NIPBL: variants seen among roughly 807,000 people sequenced by gnomAD.
The protein encoded by NIPBL is nipped-B-like protein.
Under a neutral mutation model 321.8 loss-of-function variants are expected in NIPBL, and 19 were observed. The ratio of observed to expected loss-of-function variants is 0.06; its 90% CI spans 0.04 to 0.09. The LOEUF is 0.09. NIPBL is among the 10% of genes least tolerant of loss of function. The pLI is 1.00. For missense variants in NIPBL, 2,210 were observed against 3,327.0 expected (o/e 0.66, Z 8.26); for synonymous variants, 1,106 against 1,114.1 (o/e 0.99, Z 0.14).
At chr5:36,930,426 T>C (rs190778740) in intron 1 of NIPBL, among the ~76,000 whole-genome samples, 1 of 152,082 alleles carries the variant, frequency 6.6e-6, no homozygotes, top group African/African-American at 2.4e-5. Context: ...GCTGAGCTTT[T>C]TTTTGATTCT....
intron 10 of NIPBL, among the ~76,000 whole-genome samples, chr5:36,989,994 C>T (rs1191956496): frequency 1.3e-5 from 2 of 150,330 alleles, no homozygotes; most frequent in African/African-American, 4.9e-5. Flanking sequence ...TGCTTTATGT[C>T]TAAGGAAACC....
chr5:37,065,170 A>G lies in NIPBL; in HGVS notation c.*278A>G, dbSNP rs1455117781. The G allele has an allele frequency of 2.2e-6, 1 of 446,778 alleles. No individual in the cohort carries two copies. The highest frequency in any genetic ancestry group is 4.0e-6 in the Non-Finnish European group (1 of 247,502). The allele number at this position is 446,778 out of a possible 1,614,324, so 27.7% of individuals were successfully genotyped here. On this transcript the variant is annotated 3_prime_UTR_variant, in exon 47 of 47. Transcript: ENST00000282516. ...AAAAAAAACTTTCTGTTTAAAAAAAATAAACAAGTGAATGTTGGAAATTAG... is the reference window on the plus strand; with the variant it reads ...AAAAAAAACTTTCTGTTTAAAAAAAGTAAACAAGTGAATGTTGGAAATTAG...
At chr5:36,912,501 ATTT>A (rs773223714) in intron 1 of NIPBL, among the ~76,000 whole-genome samples, 7 of 136,848 alleles carry the variant, frequency 5.1e-5, no homozygotes, top group South Asian at 2.3e-4. Context: ...TGTATTACTG[ATTT>A]TTTTTTTTTT....
chr5:36,947,309 C>T (rs996854138), intron 1 of NIPBL, among the ~76,000 whole-genome samples: 1 of 152,164 alleles, frequency 6.6e-6, no homozygotes, highest in East Asian at 1.9e-4. Flanking sequence ...ATTACACTGG[C>T]ATTTTAATCT....
intron 9 of NIPBL, among the ~76,000 whole-genome samples, chr5:36,977,345 TATG>T (rs1743591813): frequency 6.6e-6 from 1 of 152,018 alleles, no homozygotes; most frequent in Admixed American, 6.6e-5. Context: ...GATTTTTATA[TATG>T]ATGTGTTCAG....
intron 1 of NIPBL, among the ~76,000 whole-genome samples, chr5:36,936,973 C>T (rs974281851): frequency 6.6e-6 from 1 of 151,882 alleles, no homozygotes; most frequent in African/African-American, 2.4e-5. Flanking sequence ...TCAGTTTGTT[C>T]ACATATAGCC....
At chr5:36,892,758 A>T (rs1746439038) in intron 1 of NIPBL, among the ~76,000 whole-genome samples, 1 of 148,412 alleles carries the variant, frequency 6.7e-6, no homozygotes, top group Non-Finnish European at 1.5e-5. Context: ...TGGACACAGG[A>T]GGGGGAACAT....
intron 1 of NIPBL, among the ~76,000 whole-genome samples, chr5:36,900,791 A>AT (rs1747144497): frequency 6.6e-6 from 1 of 151,714 alleles, no homozygotes; most frequent in Non-Finnish European, 1.5e-5. Context: ...ACATTGCATG[A>AT]TTTTTTTTCC....
intron 1 of NIPBL, among the ~76,000 whole-genome samples, chr5:36,890,885 A>G (rs539194269): frequency 1.3e-5 from 2 of 152,322 alleles, no homozygotes; most frequent in African/African-American, 4.8e-5. Flanking sequence ...CATGGTCATG[A>G]TCTCATATTC....
chr5:36,992,752 T>G (rs1745685720), intron 10 of NIPBL, among the ~76,000 whole-genome samples: 1 of 149,140 alleles, frequency 6.7e-6, no homozygotes, highest in African/African-American at 2.5e-5. Context: ...ATTTATTTAT[T>G]TATTTATTGA....
At chr5:37,061,202 T>C (rs776678468) in intron 45 of NIPBL, among the ~76,000 whole-genome samples, 184 bp downstream of exon 45, 2 of 152,218 alleles carry the variant, frequency 1.3e-5, no homozygotes, top group Admixed American at 6.5e-5. Flanking sequence ...ATTGCACCCA[T>C]GGCATCCTAA....
intron 1 of NIPBL, among the ~76,000 whole-genome samples, chr5:36,936,393 C>T (rs926432821): frequency 1.3e-5 from 2 of 152,064 alleles, no homozygotes; most frequent in Non-Finnish European, 2.9e-5. Context: ...TGTTGTGTTA[C>T]AGTTGGCTAC....
chr5:37,011,807 A>G (rs1748157529), intron 21 of NIPBL, among the ~76,000 whole-genome samples: 1 of 152,148 alleles, frequency 6.6e-6, no homozygotes, highest in African/African-American at 2.4e-5. Flanking sequence ...CTTTTAATAC[A>G]TACAACTCAT....
intron 29 of NIPBL, among the ~76,000 whole-genome samples, chr5:37,022,596 T>G (rs1403362723): frequency 1.3e-5 from 2 of 152,210 alleles, no homozygotes; most frequent in Non-Finnish European, 2.9e-5. Flanking sequence ...TTGGTAATAA[T>G]TGGATTCCTT....
In NIPBL at chr5:37,061,057, G is replaced by A. The variant is rs113168205; in HGVS notation, c.7860+39G>A. On this transcript the variant is annotated intron_variant, in intron 45 of 46. Coordinates refer to ENST00000282516, the MANE Select transcript of NIPBL (RefSeq NM_133433.4). ...CCAAAAGTTTTTACTTCTCATAAGGGCTTTTTTGACAAGTAAATGTGGGGG... is the reference window on the plus strand; with the variant it reads ...CCAAAAGTTTTTACTTCTCATAAGGACTTTTTTGACAAGTAAATGTGGGGG... The A allele has an allele frequency of 6.5e-3, 10,120 of 1,547,494 alleles. 175 individuals carry two copies. Among genetic ancestry groups the A allele is most frequent in the African/African-American group, 0.064 (4,719 of 73,686 alleles).
At chr5:37,017,653 T>C (rs1345129535) in intron 24 of NIPBL, among the ~76,000 whole-genome samples, 1 of 151,716 alleles carries the variant, frequency 6.6e-6, no homozygotes, top group Non-Finnish European at 1.5e-5. Context: ...TAAAGTTACT[T>C]GAGAAAACTG....
chr5:36,881,127 A>G (rs1472692427), intron 1 of NIPBL, among the ~76,000 whole-genome samples: 2 of 152,000 alleles, frequency 1.3e-5, no homozygotes, highest in Non-Finnish European at 2.9e-5. Context: ...TTTTCCTGGT[A>G]TGAAAATAGA....
chr5:37,020,411 T>G lies in NIPBL; in HGVS notation c.5011-48T>G, dbSNP rs553604482. ...CACTCTAACTTTATTAACTTGGAAA[T>G]CTTGTTGCTAATTTCATCAAGCTCA... On this transcript the variant is annotated intron_variant, in intron 25 of 46. Coordinates refer to ENST00000282516, the MANE Select transcript of NIPBL (RefSeq NM_133433.4). The G allele has an allele frequency of 2.2e-5, 28 of 1,289,118 alleles. No homozygotes were observed. In the South Asian group the frequency reaches 3.1e-4, roughly 14 times the overall value. 79.9% of individuals were successfully genotyped at this position (1,289,118 alleles called of 1,614,324 possible). A position where few individuals can be genotyped will look rare whatever the true frequency, so the allele number is the denominator to read the frequency against.
At chr5:37,061,173 C>CTA (rs1372492305) in intron 45 of NIPBL, among the ~76,000 whole-genome samples, 155 bp downstream of exon 45, 1 of 152,140 alleles carries the variant, frequency 6.6e-6, no homozygotes, top group African/African-American at 2.4e-5. Flanking sequence ...TAATGAGTTA[C>CTA]TTTAAGCTTG....
Sources: gnomAD v4.1 joint callset for allele counts (sites outside exome capture counted in the v4.1 genomes callset) on GRCh38, gnomAD v4.1.1 for gene constraint, MANE v1.5 for transcripts, NCBI Gene and HGNC (gene_info 2026-07-23, HGNC 2026-07-21) for gene names.